ZFAT: variants seen among roughly 807,000 people sequenced by gnomAD.
ZFAT encodes zinc finger protein ZFAT.
ZFAT carries 64 observed loss-of-function variants against 117.7 expected under a neutral mutation model. The observed-to-expected ratio is 0.54, with a 90% CI of 0.44 to 0.67. The LOEUF (loss-of-function observed/expected upper bound fraction) is 0.67. ZFAT is among the 30% of genes least tolerant of loss of function. The pLI is 0.00. For missense variants in ZFAT, 1,433 were observed against 1,584.5 expected (o/e 0.90, Z 1.62); for synonymous variants, 679 against 615.0 (o/e 1.10, Z -1.54).
chr8:134,533,521 A>C (rs548263658), intron 11 of ZFAT, among the ~76,000 whole-genome samples: 1 of 152,360 alleles, frequency 6.6e-6, no homozygotes, highest in East Asian at 1.9e-4. Flanking sequence ...GAATTTGCTT[A>C]AGGACACATT....
intron 1 of ZFAT, among the ~76,000 whole-genome samples, chr8:134,667,751 G>A (rs911664405): frequency 1.3e-4 from 20 of 152,142 alleles, no homozygotes; most frequent in East Asian, 1.9e-4. Context: ...GGGGCTCGTC[G>A]GATAGTGGAG....
the ZFAT span, among the ~76,000 whole-genome samples, chr8:134,830,333 A>G: frequency 6.6e-6 from 1 of 152,242 alleles, no homozygotes; most frequent in Non-Finnish European, 1.5e-5. Flanking sequence ...TCACAGCACA[A>G]AAGTAGCTGC....
rs75329682 is a variant in ZFAT at position 134,514,628 on chromosome 8, C to A, written c.3235-2027G>T. 4.8e-3 allele frequency among the ~76,000 whole-genome samples: 726 copies of A among 152,204 alleles called. 4 individuals are homozygous for A. The highest frequency in any genetic ancestry group is 0.017 in the African/African-American group (701 of 41,520). On this transcript the variant is annotated intron_variant, in intron 13 of 15. Transcript: ENST00000377838. ...CTGAGCCATGAGGGTTAAAAAATGG[C>A]TCAAGGGCAAGCAGTTTATAGGTGA...
At chr8:134,765,942 A>T in the ZFAT span, 1 of 152,202 alleles carries the variant, frequency 6.6e-6, no homozygotes, top group Non-Finnish European at 1.5e-5. Context: ...GACAGCTAAG[A>T]TATTTTAGCT....
At chr8:134,578,903 G>C (rs553066257) in intron 10 of ZFAT, among the ~76,000 whole-genome samples, 1 of 152,326 alleles carries the variant, frequency 6.6e-6, no homozygotes, top group East Asian at 1.9e-4. Flanking sequence ...GGTACAGCAG[G>C]GGTTGGCAGC....
intron 3 of ZFAT, among the ~76,000 whole-genome samples, chr8:134,625,583 G>C (rs1386517335): frequency 6.6e-6 from 1 of 152,182 alleles, no homozygotes; most frequent in East Asian, 1.9e-4. Context: ...CAGGCACTCA[G>C]CTGCTCAAGG....
chr8:134,675,546 G>A (rs1003096640), intron 1 of ZFAT, among the ~76,000 whole-genome samples: 4 of 152,214 alleles, frequency 2.6e-5, no homozygotes, highest in Non-Finnish European at 4.4e-5. Flanking sequence ...ATATTATCCA[G>A]GAGAACTTCC....
At chr8:134,798,386 T>C in the ZFAT span, 245 of 152,204 alleles carry the variant, frequency 1.6e-3, 2 homozygotes, top group African/African-American at 5.7e-3. Context: ...CCAGATTTCA[T>C]AACATTTAAA....
chr8:134,512,070 T>G (rs1819891246), intron 14 of ZFAT, among the ~76,000 whole-genome samples: 1 of 152,224 alleles, frequency 6.6e-6, no homozygotes, highest in Non-Finnish European at 1.5e-5. Context: ...GATTCCAGGA[T>G]GAGCTCCAAC....
chr8:134,725,543 C>G, the ZFAT span, among the ~76,000 whole-genome samples: 1 of 152,070 alleles, frequency 6.6e-6, no homozygotes, highest in East Asian at 1.9e-4. Flanking sequence ...ATCACAAGAA[C>G]AGCAGCAAAG....
At position 134,602,577 on chromosome 8, in the gene ZFAT, T is replaced by C; in HGVS notation, c.1142A>G (p.Asp381Gly). 1 of 1,614,116 alleles carries C rather than the reference T, an allele frequency of 6.2e-7. No homozygotes were observed. The change falls in exon 6 of 16, where the codon GAC becomes GGC. Residue 381 changes from aspartate (D) to glycine (G), a missense_variant. This residue lies in a region of ZFAT where 436 missense variants were observed against 482.0 expected (regional missense o/e 0.90). Coordinates refer to ENST00000377838, the MANE Select transcript of ZFAT (RefSeq NM_020863.4). ...KHIRDAHDPQDKKVKEALDEL... is the reference protein window; with the variant it reads ...KHIRDAHDPQGKKVKEALDEL... ...GTCCAAGGCCTCTTTGACCTTCTTG[T>C]CCTGTGGGTCATGCGCGTCTCGGAT...
chr8:134,689,490 G>A (rs1298090847), intron 1 of ZFAT, among the ~76,000 whole-genome samples: 1 of 152,188 alleles, frequency 6.6e-6, no homozygotes, highest in East Asian at 1.9e-4. Context: ...CAAAACCCAA[G>A]TCCTTAGAAA....
intron 1 of ZFAT, among the ~76,000 whole-genome samples, chr8:134,664,856 C>G (rs1011129481): frequency 1.3e-5 from 2 of 152,180 alleles, no homozygotes; most frequent in Admixed American, 6.5e-5. Flanking sequence ...TGCACTCATC[C>G]TTATCAAAAG....
chr8:134,487,740 C>A (rs1817752905), intron 15 of ZFAT, among the ~76,000 whole-genome samples: 1 of 152,184 alleles, frequency 6.6e-6, no homozygotes, highest in Non-Finnish European at 1.5e-5. Context: ...CGTCCATGCC[C>A]TCTCCTCCAG....
At chr8:134,628,564 C>A (rs1026027353) in intron 3 of ZFAT, among the ~76,000 whole-genome samples, 1 of 152,164 alleles carries the variant, frequency 6.6e-6, no homozygotes, top group Non-Finnish European at 1.5e-5. Context: ...CCAGGGGATG[C>A]CTAGGAAAAT....
chr8:134,697,890 A>G (rs997485191), intron 1 of ZFAT, among the ~76,000 whole-genome samples: 6 of 150,150 alleles, frequency 4.0e-5, no homozygotes, highest in African/African-American at 1.5e-4. Context: ...CAGTACAACA[A>G]TATTTAACAT....
At chr8:134,555,033 T>C (rs1305724992) in intron 11 of ZFAT, among the ~76,000 whole-genome samples, 2 of 152,162 alleles carry the variant, frequency 1.3e-5, no homozygotes, top group Non-Finnish European at 2.9e-5. Context: ...ACTCAGTATA[T>C]AGTCATACTC....
At chr8:134,544,544 C>T (rs973685417) in intron 11 of ZFAT, among the ~76,000 whole-genome samples, 5 of 151,548 alleles carry the variant, frequency 3.3e-5, no homozygotes, top group Admixed American at 2.0e-4. Flanking sequence ...TAACATATAA[C>T]CAAAAATGAC....
intron 11 of ZFAT, among the ~76,000 whole-genome samples, chr8:134,541,370 C>A (rs1281209000): frequency 6.6e-6 from 1 of 152,096 alleles, no homozygotes; most frequent in Non-Finnish European, 1.5e-5. Context: ...CGCTCAGCCC[C>A]CTCACCATGA....
Sources: allele counts gnomAD v4.1 joint callset (sites outside exome capture counted in the v4.1 genomes callset), GRCh38; gene constraint gnomAD v4.1.1; regional missense constraint gnomAD v4.1.1; transcripts MANE v1.5; gene names NCBI Gene and HGNC (gene_info 2026-07-23, HGNC 2026-07-21).